SKAP2: variants seen among roughly 807,000 people sequenced by gnomAD.
SKAP2 encodes the protein src kinase associated phosphoprotein 2, also known as src kinase-associated phosphoprotein 2.
A neutral mutation model predicts 54.9 loss-of-function variants in SKAP2; 28 were observed. That is an observed-to-expected ratio of 0.51 (90% CI 0.38 to 0.70). The LOEUF (loss-of-function observed/expected upper bound fraction) is 0.70. SKAP2 is among the 30% of genes least tolerant of loss of function. The pLI is 0.00. For missense variants in SKAP2, 356 were observed against 424.1 expected (o/e 0.84, Z 1.41); for synonymous variants, 137 against 134.3 (o/e 1.02, Z -0.14).
chr7:26,712,198 C>T (rs760400733), intron 9 of SKAP2, among the ~76,000 whole-genome samples: 1 of 152,156 alleles, frequency 6.6e-6, no homozygotes, highest in Non-Finnish European at 1.5e-5. Context: ...GGTTGAGCAT[C>T]CCTAATCTGA....
At chr7:26,692,072 C>T (rs1266164254) in intron 9 of SKAP2, among the ~76,000 whole-genome samples, 1 of 151,394 alleles carries the variant, frequency 6.6e-6, no homozygotes, top group African/African-American at 2.4e-5. Flanking sequence ...GGGAGAGAGA[C>T]TACTGTGGAT....
At chr7:26,800,774 T>C (rs904243071) in intron 4 of SKAP2, among the ~76,000 whole-genome samples, 1 of 152,072 alleles carries the variant, frequency 6.6e-6, no homozygotes, top group Admixed American at 6.6e-5. Context: ...CCTAGATACA[T>C]ACAACTGACC....
At chr7:26,692,746 T>C (rs756474124) in intron 9 of SKAP2, among the ~76,000 whole-genome samples, 5 of 152,206 alleles carry the variant, frequency 3.3e-5, no homozygotes, top group Non-Finnish European at 4.4e-5. Flanking sequence ...CCTTAAAGGC[T>C]AGCTTTAATA....
rs901213632 is a variant in SKAP2 at position 26,668,424 on chromosome 7, A to G, written c.*1242T>C. On this transcript the variant is annotated 3_prime_UTR_variant, in exon 13 of 13. Coordinates refer to ENST00000345317, the MANE Select transcript of SKAP2 (RefSeq NM_003930.5). The stretch of plus-strand genomic sequence containing the variant: ...TCTACAAATCTTGCTCAGGCAGCAC[A>G]GAGTATAACTCAAATGTCAGGCTAA... 6.6e-6 allele frequency: 1 copy of G among 152,184 alleles called. No individual in the cohort carries two copies. Among genetic ancestry groups the G allele is most frequent in the African/African-American group, 2.4e-5 (1 of 41,450 alleles). 9.4% of individuals were successfully genotyped at this position (152,184 alleles called of 1,614,324 possible). A position where few individuals can be genotyped will look rare whatever the true frequency, so the allele number is the denominator to read the frequency against.
chr7:26,666,593 C>T (rs146726286), downstream of SKAP2, among the ~76,000 whole-genome samples: 1,031 of 152,128 alleles, frequency 6.8e-3, 16 homozygotes, highest in African/African-American at 0.023. Context: ...GAAACAAAAA[C>T]GAAACCCCAT....
chr7:26,704,486 ATACG>A (rs2127947257), intron 9 of SKAP2, among the ~76,000 whole-genome samples: 1 of 152,336 alleles, frequency 6.6e-6, no homozygotes, highest in African/African-American at 2.4e-5. Flanking sequence ...ACTTTTCGTA[ATACG>A]AAAGAATGGC....
At chr7:26,675,614 A>G (rs1786333633) in intron 11 of SKAP2, among the ~76,000 whole-genome samples, 1 of 152,250 alleles carries the variant, frequency 6.6e-6, no homozygotes, top group South Asian at 2.1e-4. Context: ...CTAAGTCTTC[A>G]TTTTGGATGA....
chr7:26,814,964 A>G (rs576033597), intron 4 of SKAP2, among the ~76,000 whole-genome samples: 1 of 152,286 alleles, frequency 6.6e-6, no homozygotes, highest in Non-Finnish European at 1.5e-5. Context: ...GAAAAATAGA[A>G]ATGTGCTTAG....
At chr7:26,655,651 G>C in the SKAP2 span, among the ~76,000 whole-genome samples, 1 of 152,100 alleles carries the variant, frequency 6.6e-6, no homozygotes. Flanking sequence ...ATCTATTTCT[G>C]TAACACCGTA....
Position 26,725,434 on chromosome 7 carries a change from G to C in SKAP2, c.790C>G (p.Leu264Val). The change falls in exon 9 of 13, where the codon CTT (leucine) becomes GTT (valine). Residue 264 changes from leucine to valine, a missense_variant. Coordinates refer to ENST00000345317, the MANE Select transcript of SKAP2 (RefSeq NM_003930.5). ...QPIDDEIYEE[L>V]PEEEEDSAPV... ...ATCACCAGAAAGTAAATACCTGGAA[G>C]TTCTTCATAAATTTCATCATCTATT... The C allele has an allele frequency of 1.2e-6, 2 of 1,609,794 alleles. No homozygotes were observed. Among genetic ancestry groups the C allele is most frequent in the Middle Eastern group, 1.7e-4 (1 of 6,026 alleles).
chr7:26,844,260 T>G, intron 3 of SKAP2, 123 bp from the exon 4 acceptor site: 1 of 606,474 alleles, frequency 1.6e-6, no homozygotes, highest in Non-Finnish European at 2.9e-6. Flanking sequence ...TGAGTCATTG[T>G]CATGGAAAAA....
chr7:26,759,242 AATCT>A (rs967309234), intron 4 of SKAP2, among the ~76,000 whole-genome samples: 2 of 152,184 alleles, frequency 1.3e-5, no homozygotes, highest in African/African-American at 4.8e-5. Flanking sequence ...TGCTATAATC[AATCT>A]GTCAGTTTCT....
the SKAP2 span, among the ~76,000 whole-genome samples, chr7:26,659,139 G>A: frequency 2.8e-4 from 43 of 152,078 alleles, no homozygotes; most frequent in Non-Finnish European, 5.4e-4. Context: ...GCATTTTGCC[G>A]TTTTATCTTT....
intron 9 of SKAP2, among the ~76,000 whole-genome samples, chr7:26,690,632 A>T (rs981292899): frequency 6.6e-6 from 1 of 152,210 alleles, no homozygotes; most frequent in Non-Finnish European, 1.5e-5. Flanking sequence ...TCCAAATAGC[A>T]ACCTTTCCAA....
chr7:26,836,603 G>C (rs558946312), intron 4 of SKAP2, among the ~76,000 whole-genome samples: 2 of 152,302 alleles, frequency 1.3e-5, no homozygotes, highest in Admixed American at 6.5e-5. Flanking sequence ...ATCATCACTG[G>C]ACATGAGAGA....
At chr7:26,658,249 GTC>G in the SKAP2 span, among the ~76,000 whole-genome samples, 1 of 152,330 alleles carries the variant, frequency 6.6e-6, no homozygotes, top group East Asian at 1.9e-4. Flanking sequence ...GCTGATCACT[GTC>G]TCTTTGACGT....
chr7:26,739,484 A>G (rs907682153), intron 5 of SKAP2, among the ~76,000 whole-genome samples: 1 of 152,222 alleles, frequency 6.6e-6, no homozygotes, highest in Non-Finnish European at 1.5e-5. Context: ...TGAATAATAG[A>G]CAATGGCAGA....
intron 4 of SKAP2, among the ~76,000 whole-genome samples, chr7:26,804,755 A>G (rs1296117170): frequency 8.0e-5 from 12 of 150,302 alleles, no homozygotes; most frequent in Non-Finnish European, 1.8e-4. Context: ...AAAAAAAAAA[A>G]GTGCCAATTT....
chr7:26,772,215 T>C (rs1252184743), intron 4 of SKAP2, among the ~76,000 whole-genome samples: 1 of 152,222 alleles, frequency 6.6e-6, no homozygotes, highest in East Asian at 1.9e-4. Flanking sequence ...TTTTTTGGTG[T>C]GCAGCACTTT....
Sources: allele counts gnomAD v4.1 joint callset (sites outside exome capture counted in the v4.1 genomes callset), GRCh38; gene constraint gnomAD v4.1.1; transcripts MANE v1.5; gene names NCBI Gene and HGNC (gene_info 2026-07-23, HGNC 2026-07-21).